The following TJP2 variants were observed in gnomAD, a reference collection of about 807,000 sequenced individuals.
The protein encoded by TJP2 is tight junction protein 2.
A neutral mutation model predicts 133.1 loss-of-function variants in TJP2; 91 were observed. The observed-to-expected ratio is 0.68, with a 90% CI of 0.58 to 0.81. The LOEUF (loss-of-function observed/expected upper bound fraction) is 0.81. Ranked by LOEUF, TJP2 falls within the 40% of genes least tolerant of loss-of-function variation. The pLI is 0.00. For missense variants in TJP2, 1,541 were observed against 1,565.6 expected, an observed-to-expected ratio of 0.98 and a Z score of 0.26; for synonymous variants, 592 against 583.4, an observed-to-expected ratio of 1.01 and a Z score of -0.21.
chr9:69,224,069 G>T (rs2486448), intron 5 of TJP2, among the ~76,000 whole-genome samples: 94,828 of 152,148 alleles, frequency 0.62, 31,862 homozygotes, highest in African/African-American at 0.87. Context: ...AAAACCAGAA[G>T]AGTCTTAAGT....
chr9:69,168,885 C>T (rs1231844448), intron 2 of TJP2, among the ~76,000 whole-genome samples: 1 of 151,966 alleles, frequency 6.6e-6, no homozygotes, highest in Non-Finnish European at 1.5e-5. Context: ...TTAGATGCCG[C>T]TCTCCTGGAG....
chr9:69,144,904 C>T (rs982874165), intron 1 of TJP2, among the ~76,000 whole-genome samples: 7 of 151,470 alleles, frequency 4.6e-5, no homozygotes, highest in Non-Finnish European at 1.0e-4. Flanking sequence ...GTACCATGGC[C>T]CATTGAGTGG....
At chr9:69,210,554 C>T (rs1827816422) in intron 1 of TJP2, among the ~76,000 whole-genome samples, 1 of 152,000 alleles carries the variant, frequency 6.6e-6, no homozygotes, top group Admixed American at 6.6e-5. Flanking sequence ...GGGAGTTTTA[C>T]ATAATTTAGA....
At position 69,248,211 on chromosome 9, in the gene TJP2, T is replaced by C. The variant is rs1341925194; in HGVS notation, c.2867T>C (p.Val956Ala). The C allele has an allele frequency of 1.9e-6, 3 of 1,602,764 alleles. No individual in the cohort carries two copies. The highest frequency in any genetic ancestry group is 1.7e-5 in the Admixed American group (1 of 57,738). Residue 956 changes from valine (V) to alanine (A), a missense_variant, in exon 19 of 23, where the codon GTG (valine) becomes GCG (alanine). Coordinates refer to ENST00000377245, the MANE Select transcript of TJP2 (RefSeq NM_004817.4). ...TCCATCACCCGCTCCTCGGAGCCGG[T>C]GCAGCACGAGGAGGTGAGGCGAGGC... is the stretch of plus-strand genomic sequence containing the variant. ...VSSITRSSEP[V>A]QHEESIRKPS...
chr9:69,214,824 C>A (rs1415692432), intron 2 of TJP2, among the ~76,000 whole-genome samples: 1 of 148,346 alleles, frequency 6.7e-6, no homozygotes, highest in African/African-American at 2.5e-5. Context: ...AGTGAGCCAG[C>A]ACCACTGCAC....
rs10699607 is a variant in TJP2, at chr9:69,185,063, C to CT, written c.60+10647dup. Among the ~76,000 whole-genome samples the CT allele has an allele frequency of 3.5e-3, 463 of 132,474 alleles. 5 individuals are homozygous for CT. Among genetic ancestry groups the CT allele is most frequent in the Middle Eastern group, 0.013 (3 of 228 alleles). 86.9% of individuals were successfully genotyped at this position (132,474 alleles called of 152,430 possible). On this transcript the variant is annotated intron_variant, in intron 1 of 22. Transcript: ENST00000377245. ...CCACGCTTGGGCAGCAGACTGATTT[C>CT]TTTTTTTTTTTTTTTTGAGACAGAG... is the stretch of plus-strand genomic sequence containing the variant.
At chr9:69,155,403 C>T (rs1823703171) in intron 2 of TJP2, among the ~76,000 whole-genome samples, 1 of 152,222 alleles carries the variant, frequency 6.6e-6, no homozygotes, top group African/African-American at 2.4e-5. Flanking sequence ...GCCAAACTTC[C>T]ATACTGGGAT....
chr9:69,234,390 CTTTCTTTCTTTTTTTTTTT>C, intron 11 of TJP2, 30 bp from the exon 12 acceptor site: 2 of 1,328,820 alleles, frequency 1.5e-6, no homozygotes, highest in Non-Finnish European at 2.1e-6. Context: ...TTCTTTCTTT[CTTTCTTTCTTTTTTTTTTT>C]TTTCTTTTTC....
At chr9:69,121,783 G>A (rs1419272131) in intron 1 of TJP2, 2 of 152,414 alleles carry the variant, frequency 1.3e-5, no homozygotes, top group Admixed American at 1.3e-4. Context: ...GCACGCCCCG[G>A]GAGAGCCGCC....
chr9:69,250,970 C>G, intron 20 of TJP2, 65 bp from the exon 21 acceptor site: 1 of 1,448,214 alleles, frequency 6.9e-7, no homozygotes, highest in Non-Finnish European at 9.7e-7. Context: ...TGTATTAAAT[C>G]ACTAATATAG....
chr9:69,137,334 T>TTTTCTTTTCTTTTCTTTTC (rs1587887797), intron 1 of TJP2, among the ~76,000 whole-genome samples: 3 of 87,788 alleles, frequency 3.4e-5, no homozygotes, highest in South Asian at 3.7e-4. Flanking sequence ...CTTTTCTTTT[T>TTTTCTTTTCTTTTCTTTTC]TTTTTTTGAG....
In TJP2 at chr9:69,238,691, C is replaced by A. The variant is rs1306560692; in HGVS notation, c.2276-19C>A. 6.2e-7 allele frequency: 1 copy of A among 1,607,096 alleles called. No homozygotes were observed. The highest frequency in any genetic ancestry group is 2.2e-5 in the East Asian group (1 of 44,786). ...TGTTTTCTAAACAATTATTTAGCTT[C>A]CTGTTTTTGCTTTTGCAGAAACGGA... is the stretch of plus-strand genomic sequence containing the variant. On this transcript the variant is annotated intron_variant, in intron 15 of 22. Coordinates refer to ENST00000377245, the MANE Select transcript of TJP2 (RefSeq NM_004817.4).
chr9:69,250,631 A>C (rs1831262692), intron 20 of TJP2, among the ~76,000 whole-genome samples: 1 of 152,076 alleles, frequency 6.6e-6, no homozygotes, highest in Non-Finnish European at 1.5e-5. Context: ...CATGGGTCTC[A>C]CCTGGGCCGG....
At chr9:69,207,968 G>A (rs920797897) in intron 1 of TJP2, among the ~76,000 whole-genome samples, 3 of 152,230 alleles carry the variant, frequency 2.0e-5, no homozygotes, top group African/African-American at 7.2e-5. Context: ...GTAGTTAGTT[G>A]GTAAGCTGCC....
chr9:69,210,298 C>A (rs59023712), intron 1 of TJP2, among the ~76,000 whole-genome samples: 280 of 25,708 alleles, frequency 0.011, 1 homozygote, highest in Middle Eastern at 0.023. Flanking sequence ...CCCCCCCCCC[C>A]CAAAAAAAAA....
intron 2 of TJP2, among the ~76,000 whole-genome samples, chr9:69,168,315 G>C (rs1206991118): frequency 2.6e-5 from 4 of 152,170 alleles, no homozygotes; most frequent in African/African-American, 9.7e-5. Flanking sequence ...GTATTGGAAT[G>C]AGGAGCATCT....
intron 1 of TJP2, among the ~76,000 whole-genome samples, chr9:69,150,907 C>A (rs528169337): frequency 2.2e-4 from 34 of 152,218 alleles, no homozygotes; most frequent in Non-Finnish European, 4.3e-4. Flanking sequence ...TATATCCATA[C>A]AATGTAATAT....
rs1329797754 is a variant in TJP2, at chr9:69,226,116, A to G, written c.1151A>G (p.Asp384Gly). Reference sequence around the variant, plus strand: ...AAACTACAGCTAGTGGTGTTGAGAGACAGCCAGCAGACCCTCATCAACATC... The same window carrying G: ...AAACTACAGCTAGTGGTGTTGAGAGGCAGCCAGCAGACCCTCATCAACATC... ...RGKLQLVVLR[D>G]SQQTLINIPS... The change falls in exon 7 of 23, where the codon GAC becomes GGC. Residue 384 changes from aspartate (D) to glycine (G), a missense_variant. Physicochemically the swap from Asp to Gly is moderately conservative, Grantham distance 94. Transcript: ENST00000377245. The G allele has an allele frequency of 6.2e-7, 1 of 1,614,174 alleles. No individual in the cohort carries two copies. The highest frequency in any genetic ancestry group is 2.2e-5 in the East Asian group (1 of 44,874).
intron 2 of TJP2, among the ~76,000 whole-genome samples, chr9:69,158,192 G>A (rs961426544): frequency 1.3e-5 from 2 of 151,790 alleles, no homozygotes; most frequent in Non-Finnish European, 2.9e-5. Flanking sequence ...GGTGGTGCAC[G>A]CCTGTAATCC....
Sources: gnomAD v4.1 joint callset for allele counts (sites outside exome capture counted in the v4.1 genomes callset) on GRCh38, gnomAD v4.1.1 for gene constraint, MANE v1.5 for transcripts, NCBI Gene and HGNC (gene_info 2026-07-23, HGNC 2026-07-21) for gene names.